TCEA2: variants seen among roughly 807,000 people sequenced by gnomAD.
TCEA2 encodes transcription elongation factor A2.
TCEA2 carries 21 observed loss-of-function variants against 40.8 expected under a neutral mutation model. The observed-to-expected ratio is 0.51, with a 90% CI of 0.36 to 0.74. The LOEUF is 0.74. Among genes scored for constraint, TCEA2 ranks in the 30% least tolerant of loss-of-function variants. The pLI, the probability that TCEA2 is intolerant of heterozygous loss-of-function variation, is 0.00. For synonymous variants in TCEA2, 165 were observed against 162.7 expected (o/e 1.01, Z -0.11); for missense variants, 326 against 426.5 (o/e 0.76, Z 2.08).
intron 8 of TCEA2, 42 bp from the exon 9 acceptor site, chr20:64,071,828 G>C: frequency 6.2e-7 from 1 of 1,609,290 alleles, no homozygotes; most frequent in Non-Finnish European, 8.5e-7. Context: ...GTCTGCAGCG[G>C]AGCATGGAGG....
chr20:64,058,865 C>T (rs1228885634), upstream of TCEA2, among the ~76,000 whole-genome samples: 8 of 152,092 alleles, frequency 5.3e-5, no homozygotes, highest in East Asian at 3.9e-4. The surrounding 1 kb of genome is among the most constrained non-coding windows in gnomAD (Gnocchi z 6.7). Context: ...CATAACTGAA[C>T]GAACGACACC....
At chr20:64,068,277 T>C (rs970676056) in intron 4 of TCEA2, 143 bp downstream of exon 4, 3 of 739,598 alleles carry the variant, frequency 4.1e-6, no homozygotes, top group South Asian at 1.6e-5. Flanking sequence ...GACACCAGCC[T>C]TGTGGTGTGT....
upstream of TCEA2, among the ~76,000 whole-genome samples, chr20:64,060,899 C>G (rs1353691926): frequency 6.6e-6 from 1 of 151,356 alleles, no homozygotes; most frequent in Non-Finnish European, 1.5e-5. Flanking sequence ...AAGCGATTCT[C>G]CTGCCTCAGC....
In TCEA2 at chr20:64,069,510, G is replaced by A; in HGVS notation, c.460+19G>A. 5 of 1,609,892 alleles carry A rather than the reference G, an allele frequency of 3.1e-6. No homozygotes were observed. Among genetic ancestry groups the A allele is most frequent in the Non-Finnish European group, 4.2e-6 (5 of 1,178,534 alleles). ...ACGGACCGTGAGTGCGGCCGGCCCTGGCTCCTGACACCCGCTGTGGTTCAC... is the reference window on the plus strand; with the variant it reads ...ACGGACCGTGAGTGCGGCCGGCCCTAGCTCCTGACACCCGCTGTGGTTCAC... On this transcript the variant is annotated intron_variant, in intron 5 of 9. Coordinates refer to ENST00000343484, the MANE Select transcript of TCEA2 (RefSeq NM_003195.6).
intron 1 of TCEA2, 172 bp downstream of exon 1, chr20:64,063,556 C>T (rs1450694059): frequency 2.7e-6 from 2 of 752,594 alleles, no homozygotes; most frequent in Non-Finnish European, 4.2e-6. Context: ...GAGACCCCTG[C>T]CCCGGGCCAG....
chr20:64,072,005 T>A, intron 9 of TCEA2, 64 bp downstream of exon 9: 1 of 1,605,754 alleles, frequency 6.2e-7, no homozygotes, highest in Non-Finnish European at 8.5e-7. Flanking sequence ...TGTCTCAGCC[T>A]CTGTGGGGTC....
chr20:64,071,777 A>G, intron 8 of TCEA2, 93 bp from the exon 9 acceptor site: 1 of 1,461,658 alleles, frequency 6.8e-7, no homozygotes, highest in Non-Finnish European at 9.3e-7. Flanking sequence ...GTGGGAGCTC[A>G]GTGGCTGCGA....
rs1396143552 is a variant in TCEA2, at chr20:64,066,499, G to A, written c.96G>A (p.Arg32=). The change falls in exon 2 of 10, where the codon CGG becomes CGA. Residue 32 remains arginine, a synonymous_variant. Coordinates refer to ENST00000343484, the MANE Select transcript of TCEA2 (RefSeq NM_003195.6). ...KSAEGAMDLL[R]ELKAMPITLH... ...AGGAGGGAGCCATGGATTTGCTGCG[G>A]GAGCTGAAGGCCATGCCTATCACGC... The A allele has an allele frequency of 6.2e-7, 1 of 1,613,894 alleles. No individual in the cohort carries two copies. The highest frequency in any genetic ancestry group is 8.5e-7 in the Non-Finnish European group (1 of 1,179,886).
At chr20:64,064,643 A>C (rs527703395) in intron 1 of TCEA2, among the ~76,000 whole-genome samples, 1 of 152,204 alleles carries the variant, frequency 6.6e-6, no homozygotes, top group African/African-American at 2.4e-5. Flanking sequence ...GTGTGACTGC[A>C]GTGGGGGTTT....
At chr20:64,060,116 G>C (rs1413547176), upstream of TCEA2, among the ~76,000 whole-genome samples, 1 of 152,184 alleles carries the variant, frequency 6.6e-6, no homozygotes, top group Non-Finnish European at 1.5e-5. Flanking sequence ...TCCACTCTTA[G>C]GAACTTGCAG....
exon 1 of TCEA2, chr20:64,057,531 C>T (rs1241947626): frequency 6.6e-6 from 1 of 152,262 alleles, no homozygotes; most frequent in Non-Finnish European, 1.5e-5. Context: ...CGGCGAGGCC[C>T]CACAGGAGAA....
At chr20:64,061,731 T>C (rs1846945751), upstream of TCEA2, among the ~76,000 whole-genome samples, 1 of 151,160 alleles carries the variant, frequency 6.6e-6, no homozygotes, top group African/African-American at 2.4e-5. Context: ...TCTCTCTCTC[T>C]TTTTTTTTCT....
intron 3 of TCEA2, among the ~76,000 whole-genome samples, chr20:64,067,625 G>T (rs1256269815): frequency 6.6e-6 from 1 of 152,354 alleles, no homozygotes; most frequent in African/African-American, 2.4e-5. Flanking sequence ...GCCCTGTGTG[G>T]CCCTCAGGCT....
chr20:64,070,765 T>A, intron 8 of TCEA2, 130 bp downstream of exon 8: 1 of 1,311,236 alleles, frequency 7.6e-7, no homozygotes, highest in Non-Finnish European at 1.0e-6. Context: ...CTGAGTAGGC[T>A]AAGGCATGAT....
upstream of TCEA2, chr20:64,062,408 TCCATC>T (rs1048533610): frequency 1.3e-4 from 20 of 152,428 alleles, no homozygotes; most frequent in African/African-American, 4.8e-4. Context: ...ATTGTCATGC[TCCATC>T]CCCTCTCTGT....
At position 64,063,254 on chromosome 20, in the gene TCEA2, G is replaced by A. The variant is rs1424446494; in HGVS notation, c.-59G>A. Reference sequence around the variant, plus strand: ...GGGAGGTGGCGACGGCCGGGGCCGGGGTCCTGCCCGGCTGCGGAGGCGGGC... The same window carrying A: ...GGGAGGTGGCGACGGCCGGGGCCGGAGTCCTGCCCGGCTGCGGAGGCGGGC... On this transcript the variant is annotated 5_prime_UTR_variant, in exon 1 of 10. Coordinates refer to ENST00000343484, the MANE Select transcript of TCEA2 (RefSeq NM_003195.6). 4 of 1,446,754 alleles carry A rather than the reference G, an allele frequency of 2.8e-6. No individual in the cohort carries two copies. Among genetic ancestry groups the A allele is most frequent in the Non-Finnish European group, 3.6e-6 (4 of 1,096,980 alleles). 89.6% of individuals were successfully genotyped at this position (1,446,754 alleles called of 1,614,324 possible).
intron 1 of TCEA2, among the ~76,000 whole-genome samples, chr20:64,065,190 G>A (rs1490293378): frequency 3.9e-5 from 6 of 152,154 alleles, no homozygotes; most frequent in Non-Finnish European, 7.4e-5. Context: ...AGCAGGTGCA[G>A]GGCTTTCAGG....
At chr20:64,070,751 G>T (rs1179000439) in intron 8 of TCEA2, 116 bp downstream of exon 8, 2 of 1,388,176 alleles carry the variant, frequency 1.4e-6, no homozygotes, top group East Asian at 2.5e-5. Flanking sequence ...GAGCCTCTCA[G>T]TCCCTGAGTA....
chr20:64,069,598 C>T lies in TCEA2; in HGVS notation c.460+107C>T, dbSNP rs1462890694. On this transcript the variant is annotated intron_variant, in intron 5 of 9. Coordinates refer to ENST00000343484, the MANE Select transcript of TCEA2 (RefSeq NM_003195.6). ...CTTCCAGCGGGGTGACTGTCCTCCC[C>T]CAGCCCATTGCTGTGGCCCTGGCAG... The T allele has an allele frequency of 3.2e-5, 49 of 1,549,490 alleles. No individual in the cohort carries two copies. The Admixed American group carries it at 8.8e-4, about 28-fold the overall frequency.
Sources: allele counts gnomAD v4.1 joint callset (sites outside exome capture counted in the v4.1 genomes callset), GRCh38; gene constraint gnomAD v4.1.1; non-coding constraint Gnocchi (gnomAD v3.1); transcripts MANE v1.5; gene names NCBI Gene and HGNC (gene_info 2026-07-23, HGNC 2026-07-21).